The following CENPP variants were observed in gnomAD, a reference collection of about 807,000 sequenced individuals.
The protein encoded by CENPP is centromere protein P.
A neutral mutation model predicts 35.6 loss-of-function variants in CENPP; 24 were observed. The ratio of observed to expected loss-of-function variants is 0.67; its 90% confidence interval spans 0.49 to 0.95. CENPP has a LOEUF of 0.95. Among genes scored for constraint, CENPP ranks in the 40% least tolerant of loss-of-function variants. CENPP has a pLI of 0.00. For missense variants in CENPP, 332 were observed against 345.3 expected, an observed-to-expected ratio of 0.96 and a Z score of 0.31; for synonymous variants, 120 against 125.5, an observed-to-expected ratio of 0.96 and a Z score of 0.29.
Position 92,600,796 on chromosome 9 carries a change from C to T in CENPP, c.565-10518C>T, listed in dbSNP as rs536091258. On this transcript the variant is annotated intron_variant, in intron 5 of 7. Transcript: ENST00000375587. ...ACATTTAGGACACATTTTTTAACTC[C>T]CTGTGGACAAGCAATCCTTCTAACA... Among the ~76,000 whole-genome samples the T allele has an allele frequency of 2.0e-5, 3 of 152,308 alleles. No individual in the cohort carries two copies. In the South Asian group the frequency reaches 6.2e-4, roughly 32 times the overall value.
intron 5 of CENPP, among the ~76,000 whole-genome samples, chr9:92,591,827 T>C (rs1850669958): frequency 6.6e-6 from 1 of 152,196 alleles, no homozygotes; most frequent in Non-Finnish European, 1.5e-5. Flanking sequence ...AGGAGGCATC[T>C]TGGCACTCAT....
Position 92,620,056 on chromosome 9 carries a change from C to T in CENPP, c.*6907C>T, listed in dbSNP as rs989739553. 1.7e-5 allele frequency: 3 copies of T among 172,628 alleles called. No individual in the cohort carries two copies. Among genetic ancestry groups the T allele is most frequent in the Non-Finnish European group, 3.8e-5 (3 of 78,578 alleles). 10.7% of individuals were successfully genotyped at this position (172,628 alleles called of 1,614,324 possible). On this transcript the variant is annotated 3_prime_UTR_variant, in exon 8 of 8. Coordinates refer to ENST00000375587, the MANE Select transcript of CENPP (RefSeq NM_001012267.3). ...CACCAGAGACAACGGCAGACGGCCA[C>T]CCTTCTACAGGCTGTGCATGTGTTA...
intron 5 of CENPP, among the ~76,000 whole-genome samples, chr9:92,447,620 G>A (rs1356488111): frequency 6.6e-6 from 1 of 152,190 alleles, no homozygotes; most frequent in African/African-American, 2.4e-5. Context: ...CCCTGGCATA[G>A]TGAATTTGGG....
intron 5 of CENPP, among the ~76,000 whole-genome samples, chr9:92,604,183 C>T (rs1345753140): frequency 6.6e-6 from 1 of 152,224 alleles, no homozygotes; most frequent in Non-Finnish European, 1.5e-5. Flanking sequence ...TCCAGTTGTT[C>T]CACATCTTCA....
At chr9:92,332,420 C>T (rs1840780087) in intron 2 of CENPP, 69 bp downstream of exon 2, 1 of 1,043,014 alleles carries the variant, frequency 9.6e-7, no homozygotes, top group Non-Finnish European at 1.3e-6. Flanking sequence ...AATTGGTTGT[C>T]ATAATATTGA....
intron 5 of CENPP, among the ~76,000 whole-genome samples, chr9:92,555,317 C>T (rs1173864362): frequency 6.8e-6 from 1 of 147,594 alleles, no homozygotes; most frequent in Non-Finnish European, 1.5e-5. Context: ...ACCTCTGCCT[C>T]CCAGGTTCAA....
At chr9:92,537,920 T>C (rs572508943) in intron 5 of CENPP, among the ~76,000 whole-genome samples, 2 of 152,328 alleles carry the variant, frequency 1.3e-5, no homozygotes, top group East Asian at 3.9e-4. Context: ...AGACCACTGC[T>C]AATCAAAAAT....
chr9:92,615,059 C>T lies in CENPP; in HGVS notation c.*1910C>T. On this transcript the variant is annotated 3_prime_UTR_variant, in exon 8 of 8. Coordinates refer to ENST00000375587, the MANE Select transcript of CENPP (RefSeq NM_001012267.3). ...GCCCAGCCCGGCCACAGCAGCTCAG[C>T]CAGTCACAGCTCCACCTCCAACTTC... The T allele has an allele frequency of 6.6e-6, 1 of 152,410 alleles. No individual in the cohort carries two copies. Among genetic ancestry groups the T allele is most frequent in the Non-Finnish European group, 1.5e-5 (1 of 68,086 alleles). 9.4% of individuals were successfully genotyped at this position (152,410 alleles called of 1,614,324 possible). A position where few individuals can be genotyped will look rare whatever the true frequency, so the allele number is the denominator to read the frequency against.
intron 5 of CENPP, among the ~76,000 whole-genome samples, chr9:92,601,839 C>T (rs1850927860): frequency 6.6e-6 from 1 of 152,190 alleles, no homozygotes; most frequent in African/African-American, 2.4e-5. Flanking sequence ...AGAGCTCGTG[C>T]CTGCGTGTTT....
chr9:92,538,127 C>G (rs1477554710), intron 5 of CENPP, among the ~76,000 whole-genome samples: 2 of 152,062 alleles, frequency 1.3e-5, no homozygotes, highest in African/African-American at 4.8e-5. Context: ...CAAAAGTGTG[C>G]CTTCAAGGAA....
chr9:92,612,345 C>G (rs957769462), intron 6 of CENPP, among the ~76,000 whole-genome samples, 178 bp from the exon 7 acceptor site: 1 of 152,246 alleles, frequency 6.6e-6, no homozygotes, highest in Non-Finnish European at 1.5e-5. Context: ...GCAGCACCTT[C>G]CTGTGATCCT....
intron 4 of CENPP, among the ~76,000 whole-genome samples, chr9:92,356,496 C>T (rs1841592792): frequency 6.6e-6 from 1 of 152,144 alleles, no homozygotes; most frequent in African/African-American, 2.4e-5. Context: ...GTTTTACAAT[C>T]AATTAGTACA....
chr9:92,514,857 C>T, intron 5 of CENPP: 3 of 1,612,394 alleles, frequency 1.9e-6, no homozygotes, highest in Non-Finnish European at 2.5e-6. Context: ...CACCCTCCTC[C>T]TCCTCATCCT....
At chr9:92,373,655 G>A (rs1044889080) in intron 4 of CENPP, among the ~76,000 whole-genome samples, 3 of 151,958 alleles carry the variant, frequency 2.0e-5, no homozygotes, top group South Asian at 2.1e-4. Context: ...ATGAAACACC[G>A]TCTCTACTAA....
At chr9:92,520,916 T>C (rs1195022015) in intron 5 of CENPP, among the ~76,000 whole-genome samples, 7 of 152,324 alleles carry the variant, frequency 4.6e-5, no homozygotes, top group African/African-American at 1.4e-4. Context: ...GGCAAATTCA[T>C]AGAGACAGAA....
intron 5 of CENPP, 67 bp from the exon 6 acceptor site, chr9:92,611,247 G>C: frequency 4.6e-6 from 6 of 1,308,658 alleles, no homozygotes; most frequent in Non-Finnish European, 6.6e-6. Context: ...ACGGTGCCCC[G>C]TGCCCCTCCC....
rs765239381 is a variant in CENPP, at chr9:92,365,871, A to G, written c.468-13892A>G. Among the ~76,000 whole-genome samples the G allele has an allele frequency of 5.9e-5, 9 of 152,190 alleles. No homozygotes were observed. In the Middle Eastern group the frequency reaches 0.01, roughly 173 times the overall value. On this transcript the variant is annotated intron_variant, in intron 4 of 7. Transcript: ENST00000375587. ...TCTGTGGAGTTATCTGCAAAATGAA[A>G]GAACTGGAAATAATTATTTCCAGGG... is the stretch of plus-strand genomic sequence containing the variant.
chr9:92,468,272 G>GT (rs1219066002), intron 5 of CENPP, among the ~76,000 whole-genome samples: 8 of 152,212 alleles, frequency 5.3e-5, no homozygotes, highest in African/African-American at 1.9e-4. Flanking sequence ...TGCAGCACTG[G>GT]TAAGAGCCGC....
chr9:92,408,029 G>A (rs904900628), intron 5 of CENPP, among the ~76,000 whole-genome samples: 6 of 152,200 alleles, frequency 3.9e-5, no homozygotes, highest in African/African-American at 1.4e-4. Flanking sequence ...TTTTTGGGGA[G>A]TGGCTTAATT....
Sources: allele counts gnomAD v4.1 joint callset (sites outside exome capture counted in the v4.1 genomes callset), GRCh38; gene constraint gnomAD v4.1.1; transcripts MANE v1.5; gene names NCBI Gene and HGNC (gene_info 2026-07-23, HGNC 2026-07-21).